Variants in MYL2 observed in about 807,000 individuals in gnomAD.
MYL2 encodes myosin light chain 2.
A neutral mutation model predicts 23.0 loss-of-function variants in MYL2; 19 were observed. The ratio of observed to expected loss-of-function variants is 0.83; its 90% CI spans 0.58 to 1.21. The LOEUF (loss-of-function observed/expected upper bound fraction) is 1.21, where lower values mean the gene tolerates loss of function less well. Among genes scored for constraint, MYL2 ranks in the 50% most tolerant of loss-of-function variants. The pLI, the probability that MYL2 is intolerant of heterozygous loss-of-function variation, is 0.00. For synonymous variants in MYL2, 78 were observed against 76.2 expected, an observed-to-expected ratio of 1.02 and a Z score of -0.13; for missense variants, 180 against 215.1, an observed-to-expected ratio of 0.84 and a Z score of 1.02.
intron 1 of MYL2, 102 bp from the exon 2 acceptor site, chr12:110,919,295 C>T: frequency 1.1e-6 from 1 of 920,426 alleles, no homozygotes; most frequent in Admixed American, 2.2e-5. Context: ...CAGGGCTCAG[C>T]TGCCCATCTG....
At chr12:110,916,109 G>C (rs987506798) in intron 2 of MYL2, among the ~76,000 whole-genome samples, 1 of 152,342 alleles carries the variant, frequency 6.6e-6, no homozygotes, top group Middle Eastern at 3.4e-3. Flanking sequence ...GCCTAGGCCC[G>C]TGGGTTACTT....
chr12:110,913,379 C>A, intron 4 of MYL2, 55 bp from the exon 5 acceptor site: 1 of 1,594,696 alleles, frequency 6.3e-7, no homozygotes. Context: ...ACCACTGGCA[C>A]CCCAGGCAGC....
In MYL2 at chr12:110,918,619, T is replaced by C. The variant is rs2071700999; in HGVS notation, c.93+485A>G. Among the ~76,000 whole-genome samples, 1 of 152,134 alleles carries C rather than the reference T, an allele frequency of 6.6e-6. No homozygotes were observed. Among genetic ancestry groups the C allele is most frequent in the South Asian group, 2.1e-4 (1 of 4,828 alleles). ...AGCAAAGAGGTGTTATTTATAGTAGTAAAACATTATAAACAAATGTCATAT... is the reference window on the plus strand; with the variant it reads ...AGCAAAGAGGTGTTATTTATAGTAGCAAAACATTATAAACAAATGTCATAT... On this transcript the variant is annotated intron_variant, in intron 2 of 6. Transcript: ENST00000228841. The surrounding 1 kb of genome is among the most constrained non-coding windows in gnomAD (Gnocchi z 4.4).
Position 110,911,148 on chromosome 12 carries a change from G to C in MYL2, c.430C>G (p.Pro144Ala), listed in dbSNP as rs777689913. Residue 144 changes from proline (P) to alanine (A), a missense_variant, in exon 7 of 7, where the codon CCT becomes GCT. Coordinates refer to ENST00000228841, the MANE Select transcript of MYL2 (RefSeq NM_000432.4). ...TAGTCCAAGTTGCCAGTCACGTCAG[G>C]GGGGAAGGCGGCGAACATCTGGTCA... is the stretch of plus-strand genomic sequence containing the variant. ...EVDQMFAAFPPDVTGNLDYKN... is the reference protein window; with the variant it reads ...EVDQMFAAFPADVTGNLDYKN... The C allele has an allele frequency of 2.2e-5, 36 of 1,613,724 alleles. No individual in the cohort carries two copies. Among genetic ancestry groups the C allele is most frequent in the Admixed American group, 3.3e-5 (2 of 59,978 alleles).
At chr12:110,919,882 A>G (rs1027183174) in intron 1 of MYL2, among the ~76,000 whole-genome samples, 5 of 152,196 alleles carry the variant, frequency 3.3e-5, no homozygotes, top group Non-Finnish European at 7.3e-5. Context: ...TACTATTATT[A>G]TCATCCCCAT....
chr12:110,911,206 C>T (rs373395096), intron 6 of MYL2, 31 bp from the exon 7 acceptor site: 339 of 873,776 alleles, frequency 3.9e-4, no homozygotes, highest in Non-Finnish European at 5.2e-4. Flanking sequence ...GTGCTAAGGA[C>T]GAGGGGAGGG....
intron 1 of MYL2, among the ~76,000 whole-genome samples, chr12:110,919,990 C>T (rs1235501261): frequency 1.3e-5 from 2 of 152,098 alleles, no homozygotes; most frequent in Non-Finnish European, 2.9e-5. Context: ...TGAACTTGGG[C>T]GTTGAACTTG....
At chr12:110,912,988 CTCTG>C in intron 6 of MYL2, 104 bp downstream of exon 6, 4 of 1,212,710 alleles carry the variant, frequency 3.3e-6, no homozygotes, top group Non-Finnish European at 4.9e-6. Flanking sequence ...ATAGCTGGTT[CTCTG>C]TCAGTGTGGG....
rs878853980 is a variant in MYL2 at position 110,919,155 on chromosome 12, G to A, written c.42C>T (p.Asn14=). Residue 14 remains asparagine (N), a synonymous_variant, in exon 2 of 7, where the codon AAC becomes AAT. Coordinates refer to ENST00000228841, the MANE Select transcript of MYL2 (RefSeq NM_000432.4). ...GTTCGAACATGGAGAACACGTTGGA[G>A]TTGGCGCCCCCGGCTCTCTTCTTTG... ...KKAKKRAGGA[N]SNVFSMFEQT... 18 of 1,613,772 alleles carry A rather than the reference G, an allele frequency of 1.1e-5. No individual in the cohort carries two copies. Among genetic ancestry groups the A allele is most frequent in the Non-Finnish European group, 1.4e-5 (17 of 1,180,034 alleles).
intron 6 of MYL2, among the ~76,000 whole-genome samples, chr12:110,911,957 A>C (rs971825435): frequency 6.6e-6 from 1 of 152,214 alleles, no homozygotes; most frequent in East Asian, 1.9e-4. Context: ...GAATCCTCGC[A>C]ATCTCCTATG....
chr12:110,915,016 T>C (rs1265771768), intron 3 of MYL2, among the ~76,000 whole-genome samples: 2 of 152,256 alleles, frequency 1.3e-5, no homozygotes, highest in Non-Finnish European at 2.9e-5. Context: ...GGTTCTGATT[T>C]ACCTGCTCTA....
intron 4 of MYL2, 29 bp from the exon 5 acceptor site, chr12:110,913,353 C>T: frequency 1.9e-6 from 3 of 1,613,312 alleles, no homozygotes; most frequent in South Asian, 2.2e-5. Context: ...CTTACATGTA[C>T]TGGGGGTGGC....
upstream of MYL2, among the ~76,000 whole-genome samples, chr12:110,921,171 T>A (rs1566151381): frequency 5.3e-5 from 8 of 152,054 alleles, no homozygotes; most frequent in Admixed American, 4.6e-4. Flanking sequence ...CCAGCCTGGG[T>A]GACATAGGGA....
At chr12:110,919,621 C>T (rs1234379926) in intron 1 of MYL2, among the ~76,000 whole-genome samples, 1 of 152,122 alleles carries the variant, frequency 6.6e-6, no homozygotes, top group East Asian at 1.9e-4. Context: ...ATGATGAATG[C>T]CAAGATGAAA....
Position 110,910,999 on chromosome 12 carries a change from G to T in MYL2, c.*78C>A. The T allele has an allele frequency of 1.6e-6, 2 of 1,274,328 alleles. No homozygotes were observed. The highest frequency in any genetic ancestry group is 2.3e-6 in the Non-Finnish European group (2 of 871,298). 78.9% of individuals were successfully genotyped at this position (1,274,328 alleles called of 1,614,324 possible). A position where few individuals can be genotyped will look rare whatever the true frequency, so the allele number is the denominator to read the frequency against. ...GGCTAACAGACAAGGTAGGGACAGA[G>T]GCGGTACTCGGGGGAGAGAGATGAG... On this transcript the variant is annotated 3_prime_UTR_variant, in exon 7 of 7. Transcript: ENST00000228841.
Position 110,918,899 on chromosome 12 carries a change from G to T in MYL2, c.93+205C>A. The T allele has an allele frequency of 3.5e-6, 2 of 575,598 alleles. No individual in the cohort carries two copies. Among genetic ancestry groups the T allele is most frequent in the South Asian group, 2.2e-5 (1 of 44,822 alleles). The allele number at this position is 575,598 out of a possible 1,614,324, so 35.7% of individuals were successfully genotyped here. The stretch of plus-strand genomic sequence containing the variant: ...AAATTTTCCAACATTTTTCAACATG[G>T]AATATGTTTTACTTTGATAATCAGT... On this transcript the variant is annotated intron_variant, in intron 2 of 6. Coordinates refer to ENST00000228841, the MANE Select transcript of MYL2 (RefSeq NM_000432.4). This position sits in a 1 kb window ranked among gnomAD's most constrained non-coding sequence, Gnocchi z 4.4.
At chr12:110,913,675 G>T (rs2071669233) in intron 4 of MYL2, among the ~76,000 whole-genome samples, 1 of 152,134 alleles carries the variant, frequency 6.6e-6, no homozygotes, top group South Asian at 2.1e-4. Flanking sequence ...TATTAAGTGG[G>T]GTAATGCATA....
intron 2 of MYL2, among the ~76,000 whole-genome samples, chr12:110,917,090 C>T (rs1053351470): frequency 1.4e-4 from 21 of 151,990 alleles, no homozygotes; most frequent in Non-Finnish European, 2.4e-4. Context: ...AAGTGATCTG[C>T]CCACCTTAGC....
chr12:110,920,110 C>T (rs1343354982), intron 1 of MYL2, among the ~76,000 whole-genome samples: 5 of 152,176 alleles, frequency 3.3e-5, no homozygotes, highest in African/African-American at 4.8e-5. Context: ...GACACCTAAC[C>T]CAACAGCACA....
Sources: gnomAD v4.1 joint callset for allele counts (sites outside exome capture counted in the v4.1 genomes callset) on GRCh38, gnomAD v4.1.1 for gene constraint, Gnocchi (gnomAD v3.1) non-coding constraint, MANE v1.5 for transcripts, NCBI Gene and HGNC (gene_info 2026-07-23, HGNC 2026-07-21) for gene names.